Variants in CNTN4 observed in about 807,000 individuals in gnomAD.
CNTN4 encodes the protein contactin-4.
In CNTN4, 77 loss-of-function variants were observed where a neutral mutation model predicts 122.5. The ratio of observed to expected loss-of-function variants is 0.63; its 90% CI spans 0.52 to 0.76. CNTN4 has a LOEUF of 0.76. Ranked by LOEUF, CNTN4 falls within the 30% of genes least tolerant of loss-of-function variation. CNTN4 has a pLI of 0.00. For missense variants in CNTN4, 1,256 were observed against 1,259.1 expected (o/e 1.00, Z 0.04); for synonymous variants, 512 against 447.0 (o/e 1.15, Z -1.83).
intron 2 of CNTN4, among the ~76,000 whole-genome samples, chr3:2,317,324 A>T (rs1184579719): frequency 6.6e-6 from 1 of 152,202 alleles, no homozygotes; most frequent in African/African-American, 2.4e-5. Flanking sequence ...TTATGCAAGG[A>T]CCAAATTTGT....
intron 14 of CNTN4, among the ~76,000 whole-genome samples, chr3:3,004,809 C>T (rs1696450907): frequency 6.6e-6 from 1 of 152,212 alleles, no homozygotes; most frequent in Non-Finnish European, 1.5e-5. Context: ...TTGTCTATGC[C>T]ATTGTGTACT....
intron 2 of CNTN4, among the ~76,000 whole-genome samples, chr3:2,109,710 A>C (rs915640924): frequency 6.6e-6 from 1 of 152,200 alleles, no homozygotes; most frequent in African/African-American, 2.4e-5. Flanking sequence ...AAGTTGTGCA[A>C]ATTTGTATTG....
intron 2 of CNTN4, among the ~76,000 whole-genome samples, chr3:2,159,826 C>CT (rs200520170): frequency 0.014 from 1,941 of 143,722 alleles, 60 homozygotes; most frequent in East Asian, 0.13. Flanking sequence ...TGACACAGCT[C>CT]TTTTTTTTTT....
Position 2,925,652 on chromosome 3 carries a change from A to C in CNTN4, c.1231A>C (p.Thr411Pro). 6.2e-7 allele frequency: 1 copy of C among 1,613,838 alleles called. No individual in the cohort carries two copies. The highest frequency in any genetic ancestry group is 1.7e-5 in the Admixed American group (1 of 59,994). Residue 411 changes from threonine to proline, a missense_variant, in exon 13 of 25, where the codon ACA becomes CCA. Transcript: ENST00000418658. ...AGCTGTAGGTCCAGATTTTTCAAGA[A>C]CACTCTTGAAAAGAGTAACTCTTGT... ...VIAVGPDFSR[T>P]LLKRVTLVKV... is the part of the protein sequence containing the mutation.
At chr3:2,215,975 T>C (rs1474315255) in intron 2 of CNTN4, among the ~76,000 whole-genome samples, 3 of 150,468 alleles carry the variant, frequency 2.0e-5, no homozygotes, top group Non-Finnish European at 4.4e-5. Context: ...AAAAGCAGTA[T>C]GGCAATTCCT....
At chr3:2,412,087 A>T (rs1306547263) in intron 3 of CNTN4, among the ~76,000 whole-genome samples, 1 of 152,020 alleles carries the variant, frequency 6.6e-6, no homozygotes, top group African/African-American at 2.4e-5. Context: ...GTACTGTTTT[A>T]TGTCTGGCTT....
chr3:2,145,928 T>C (rs1187752775), intron 2 of CNTN4, among the ~76,000 whole-genome samples: 2 of 143,336 alleles, frequency 1.4e-5, no homozygotes, highest in African/African-American at 2.6e-5. Context: ...CTGTAATTAC[T>C]ACACTGGAAT....
chr3:2,126,838 T>C (rs1007903161), intron 2 of CNTN4, among the ~76,000 whole-genome samples: 3 of 152,112 alleles, frequency 2.0e-5, no homozygotes, highest in Non-Finnish European at 2.9e-5. Flanking sequence ...AGGTGAAATA[T>C]AGAAATAAAG....
At chr3:2,350,878 C>T (rs1344324883) in intron 3 of CNTN4, among the ~76,000 whole-genome samples, 3 of 152,126 alleles carry the variant, frequency 2.0e-5, no homozygotes, top group Non-Finnish European at 4.4e-5. Context: ...TGAGAGAAAA[C>T]TTTCATGTTT....
chr3:2,737,209 T>G (rs2149496657), intron 5 of CNTN4, among the ~76,000 whole-genome samples: 1 of 152,222 alleles, frequency 6.6e-6, no homozygotes, highest in South Asian at 2.1e-4. Flanking sequence ...GCCTCCTGAG[T>G]AGCTGGGATT....
intron 3 of CNTN4, chr3:2,362,397 T>TG: frequency 2.9e-6 from 1 of 342,300 alleles, no homozygotes; most frequent in Non-Finnish European, 5.7e-6. Flanking sequence ...GGGCAATTCC[T>TG]GGGGGTGTAG....
Position 2,900,712 on chromosome 3 carries a change from A to G in CNTN4, c.968A>G (p.Asn323Ser). The part of the protein sequence containing the change: ...YAQPNWIQKI[N>S]DIHVAMEENV... ...CAACCTAATTGGATTCAAAAAATAA[A>G]TGATATTCACGTGGCCATGGAAGAA... The change falls in exon 11 of 25, where the codon AAT (asparagine) becomes AGT (serine). Residue 323 changes from asparagine to serine, a missense_variant. By Grantham distance (46) the Asn-to-Ser change is conservative (BLOSUM62 1). Coordinates refer to ENST00000418658, the MANE Select transcript of CNTN4 (RefSeq NM_175607.3). 6.2e-7 allele frequency: 1 copy of G among 1,613,934 alleles called. No homozygotes were observed.
chr3:2,398,199 A>G lies in CNTN4; in HGVS notation c.-89+58966A>G, dbSNP rs555913001. 1.6e-3 allele frequency among the ~76,000 whole-genome samples: 243 copies of G among 152,294 alleles called. 1 individual carries two copies. Among genetic ancestry groups the G allele is most frequent in the African/African-American group, 5.6e-3 (233 of 41,580 alleles). On this transcript the variant is annotated intron_variant, in intron 3 of 24. Transcript: ENST00000418658. ...TGCATCAAAAATTATGAAAACTTTT[A>G]AGTATGCTTAAAGAATAGGATTTAT... is the stretch of plus-strand genomic sequence containing the variant.
chr3:2,987,900 C>A (rs888529980), intron 13 of CNTN4, among the ~76,000 whole-genome samples: 14 of 151,936 alleles, frequency 9.2e-5, no homozygotes, highest in African/African-American at 3.4e-4. Context: ...CTTAATAATA[C>A]CTCATTTAAT....
chr3:2,784,856 T>C (rs1576783418), intron 6 of CNTN4, among the ~76,000 whole-genome samples: 2 of 152,204 alleles, frequency 1.3e-5, no homozygotes, highest in South Asian at 4.1e-4. Flanking sequence ...AGGTATTCAA[T>C]AAGCGCTAGT....
chr3:2,291,210 T>G (rs1177153658), intron 2 of CNTN4, among the ~76,000 whole-genome samples: 3 of 152,142 alleles, frequency 2.0e-5, no homozygotes, highest in Non-Finnish European at 4.4e-5. Context: ...ACATTATAAT[T>G]TTTTTGGTAT....
chr3:2,665,823 T>G (rs953502272), intron 4 of CNTN4, among the ~76,000 whole-genome samples: 1 of 152,178 alleles, frequency 6.6e-6, no homozygotes, highest in Non-Finnish European at 1.5e-5. Flanking sequence ...GGTATCCACA[T>G]CCTAAAATTT....
intron 3 of CNTN4, among the ~76,000 whole-genome samples, chr3:2,465,648 G>T (rs989292867): frequency 6.6e-6 from 1 of 152,048 alleles, no homozygotes; most frequent in Non-Finnish European, 1.5e-5. Context: ...CTTCACTCCA[G>T]CCTAGGCGAC....
At chr3:2,723,673 C>T (rs2088010842) in intron 4 of CNTN4, among the ~76,000 whole-genome samples, 1 of 152,160 alleles carries the variant, frequency 6.6e-6, no homozygotes, top group South Asian at 2.1e-4. Flanking sequence ...TCCTAAGGGC[C>T]TTACCTCTAA....
Sources: gnomAD v4.1 joint callset for allele counts (sites outside exome capture counted in the v4.1 genomes callset) on GRCh38, gnomAD v4.1.1 for gene constraint, MANE v1.5 for transcripts, NCBI Gene and HGNC (gene_info 2026-07-23, HGNC 2026-07-21) for gene names.